SPRY3: variants seen among roughly 807,000 people sequenced by gnomAD.
The protein encoded by SPRY3 is sprouty RTK signaling antagonist 3.
In SPRY3, 15 loss-of-function variants were observed where a neutral mutation model predicts 20.2. The observed-to-expected ratio is 0.74, with a 90% CI of 0.50 to 1.14. SPRY3 has a LOEUF of 1.14. Ranked by LOEUF, SPRY3 falls within the 50% of genes most tolerant of loss-of-function variation. SPRY3 has a pLI of 0.00. For synonymous variants in SPRY3, 143 were observed against 136.5 expected (o/e 1.05, Z -0.33); for missense variants, 364 against 363.9 (o/e 1.00, Z 0.00).
intron 2 of SPRY3, among the ~76,000 whole-genome samples, chrX:155,739,413 G>A (rs779159227): frequency 1.3e-5 from 2 of 152,300 alleles, no homozygotes; most frequent in Admixed American, 6.5e-5. Context: ...TGGTTTGGAC[G>A]AGGTGGAAGG....
At chrX:155,634,786 G>T (rs1603115908) in intron 1 of SPRY3, among the ~76,000 whole-genome samples, 1 of 108,634 alleles carries the variant, frequency 9.2e-6, no homozygotes, top group East Asian at 2.9e-4. Context: ...CTGTGAGTTG[G>T]GTAAACTCCT....
chrX:155,756,951 T>G (rs1275901122), intron 2 of SPRY3, among the ~76,000 whole-genome samples: 1 of 152,162 alleles, frequency 6.6e-6, no homozygotes, highest in Non-Finnish European at 1.5e-5. Context: ...CTATTACCAC[T>G]CTCTCATCTA....
intron 2 of SPRY3, among the ~76,000 whole-genome samples, chrX:155,744,677 GAC>G (rs2091217773): frequency 6.6e-6 from 1 of 152,020 alleles, no homozygotes; most frequent in Admixed American, 6.6e-5. Flanking sequence ...AAGTCAGAGA[GAC>G]AGAACCACAG....
chrX:155,737,476 A>G (rs753717432), intron 2 of SPRY3, among the ~76,000 whole-genome samples: 1 of 152,324 alleles, frequency 6.6e-6, no homozygotes, highest in South Asian at 2.1e-4. Context: ...TGAGGATCAT[A>G]CAGAGTACTA....
intron 2 of SPRY3, among the ~76,000 whole-genome samples, chrX:155,749,386 G>GAAT (rs2091247355): frequency 6.6e-6 from 1 of 151,604 alleles, no homozygotes; most frequent in African/African-American, 2.4e-5. Context: ...AAGTGACAGG[G>GAAT]GTGTGTGTAA....
chrX:155,657,094 G>C (rs2067994521), intron 2 of SPRY3, among the ~76,000 whole-genome samples: 1 of 111,756 alleles, frequency 8.9e-6, no homozygotes. Context: ...CCCACATGAG[G>C]AGGCAGTCTG....
At chrX:155,625,651 C>A (rs1381698644) in intron 1 of SPRY3, among the ~76,000 whole-genome samples, 2 of 110,869 alleles carry the variant, frequency 1.8e-5, no homozygotes, top group East Asian at 5.7e-4. Flanking sequence ...TCCAGTATAT[C>A]CACAGAGTTG....
rs751529683 is a variant in SPRY3 at position 155,754,960 on chromosome X, TTGTG to T, written c.-281-12988_-281-12985del. ...CTTGTATATTGCCATGTAGCTGAAC[TTGTG>T]TGTGTGTGTGTGTATTTTAAATAGG... On this transcript the variant is annotated intron_variant, in intron 2 of 3. Transcript: ENST00000675360. 8.6e-4 allele frequency among the ~76,000 whole-genome samples: 130 copies of T among 151,262 alleles called. 1 individual carries two copies. Among genetic ancestry groups the T allele is most frequent in the African/African-American group, 3.0e-3 (125 of 41,266 alleles).
In SPRY3 at chrX:155,689,629, C is replaced by A. The variant is rs1377311440; in HGVS notation, c.-282+32604C>A. On this transcript the variant is annotated intron_variant, in intron 2 of 3. Coordinates refer to ENST00000675360, the Ensembl canonical transcript of SPRY3. ...TATAGAGGTGTTCATAATATCCCAG[C>A]GATTCTTTGTATTTCTGTGGGGTCA... Among the ~76,000 whole-genome samples, 2 of 85,965 alleles carry A rather than the reference C, an allele frequency of 2.3e-5. 1 individual carries two copies. The highest frequency in any genetic ancestry group is 4.3e-5 in the Non-Finnish European group (2 of 46,363). The allele number at this position is 85,965 out of a possible 115,157, so 74.7% of individuals were successfully genotyped here.
At chrX:155,670,971 C>T (rs1444402960) in intron 2 of SPRY3, among the ~76,000 whole-genome samples, 5 of 112,165 alleles carry the variant, frequency 4.5e-5, no homozygotes, top group Non-Finnish European at 9.4e-5. Context: ...AATCTTTCCA[C>T]ATCCACAGCT....
intron 2 of SPRY3, among the ~76,000 whole-genome samples, chrX:155,707,131 A>G (rs2090957223): frequency 6.6e-6 from 1 of 151,188 alleles, no homozygotes; most frequent in African/African-American, 2.4e-5. Context: ...AGTTTAAAGT[A>G]TAAATTTTTT....
chrX:155,773,000 G>A (rs2091390779), intron 3 of SPRY3, among the ~76,000 whole-genome samples: 1 of 151,944 alleles, frequency 6.6e-6, no homozygotes, highest in African/African-American at 2.4e-5. Context: ...ACTCCCACGT[G>A]TACAAAAGTT....
At chrX:155,615,104 G>A (rs781810043) in intron 1 of SPRY3, among the ~76,000 whole-genome samples, 145 of 110,657 alleles carry the variant, frequency 1.3e-3, no homozygotes, top group Middle Eastern at 4.7e-3. Context: ...TACAGTCTTT[G>A]TCTCCAGGTA....
chrX:155,737,624 C>T (rs2091177628), intron 2 of SPRY3, among the ~76,000 whole-genome samples: 2 of 152,228 alleles, frequency 1.3e-5, no homozygotes, highest in African/African-American at 4.8e-5. Flanking sequence ...ATGTTCCAAA[C>T]ATGTTTGAAG....
intron 1 of SPRY3, among the ~76,000 whole-genome samples, chrX:155,633,391 A>G (rs1276110705): frequency 9.4e-6 from 1 of 106,394 alleles, no homozygotes; most frequent in Non-Finnish European, 1.9e-5. Flanking sequence ...AAAAAAAAAA[A>G]AAAAAAAAAA....
At position 155,677,433 on chromosome X, in the gene SPRY3, G is replaced by C. The variant is rs192214442; in HGVS notation, c.-282+20408G>C. 5.2e-4 allele frequency among the ~76,000 whole-genome samples: 58 copies of C among 111,811 alleles called. 1 individual carries two copies. In the Middle Eastern group the frequency reaches 0.014, roughly 27 times the overall value. The stretch of plus-strand genomic sequence containing the variant: ...TGGTGAATTTAGGAGCATGAAATGA[G>C]CAAGTGTAATTCACTCTCCTTCCTC... On this transcript the variant is annotated intron_variant, in intron 2 of 3. Transcript: ENST00000675360.
At chrX:155,628,535 A>G (rs2067895355) in intron 1 of SPRY3, among the ~76,000 whole-genome samples, 1 of 112,473 alleles carries the variant, frequency 8.9e-6, no homozygotes, top group Non-Finnish European at 1.9e-5. Flanking sequence ...ACTTCTCAAA[A>G]GGAGATATTT....
intron 2 of SPRY3, among the ~76,000 whole-genome samples, chrX:155,734,269 T>C (rs1237899608): frequency 9.2e-5 from 14 of 152,070 alleles, no homozygotes. Context: ...TGTAAGGTTA[T>C]TAATTGGCCT....
chrX:155,765,892 T>C (rs1353469117), intron 2 of SPRY3, among the ~76,000 whole-genome samples: 5 of 152,348 alleles, frequency 3.3e-5, no homozygotes, highest in East Asian at 1.9e-4. Context: ...GAGAGGTTAA[T>C]TGAATTGCCT....
Sources: gnomAD v4.1 joint callset for allele counts (sites outside exome capture counted in the v4.1 genomes callset) on GRCh38, gnomAD v4.1.1 for gene constraint, MANE v1.5 for transcripts, NCBI Gene and HGNC (gene_info 2026-07-23, HGNC 2026-07-21) for gene names.